Variants in PAX2 observed in about 807,000 individuals in gnomAD.
PAX2 encodes the protein paired box protein Pax-2.
In PAX2, 9 loss-of-function variants were observed where a neutral mutation model predicts 41.7. That is an observed-to-expected ratio of 0.22 (90% CI 0.13 to 0.38). The LOEUF (loss-of-function observed/expected upper bound fraction) is 0.38, where lower values mean the gene tolerates loss of function less well. Ranked by LOEUF, PAX2 falls within the 10% of genes least tolerant of loss-of-function variation. The pLI is 1.00. For synonymous variants in PAX2, 221 were observed against 212.7 expected, an observed-to-expected ratio of 1.04 and a Z score of -0.34; for missense variants, 418 against 531.6, an observed-to-expected ratio of 0.79 and a Z score of 2.10.
intron 3 of PAX2, among the ~76,000 whole-genome samples, chr10:100,770,326 C>G (rs1846167998): frequency 6.6e-6 from 1 of 152,154 alleles, no homozygotes. Context: ...CTGGAGCTTC[C>G]CAAACAGGAT....
At chr10:100,823,198 T>C (rs1231633267) in intron 7 of PAX2, among the ~76,000 whole-genome samples, 4 of 152,138 alleles carry the variant, frequency 2.6e-5, no homozygotes, top group Non-Finnish European at 5.9e-5. Flanking sequence ...AAGTTTTTGG[T>C]CTTATGATAT....
chr10:100,800,471 C>T (rs372536654), intron 5 of PAX2, among the ~76,000 whole-genome samples: 4 of 151,784 alleles, frequency 2.6e-5, no homozygotes, highest in Admixed American at 6.5e-5. Context: ...AGATGAGTCT[C>T]GCTATGTTGC....
chr10:100,803,844 G>C (rs1847656705), intron 5 of PAX2, among the ~76,000 whole-genome samples: 1 of 151,360 alleles, frequency 6.6e-6, no homozygotes, highest in South Asian at 2.1e-4. Context: ...CCCCTCCTTT[G>C]CTGCCTCTGT....
At chr10:100,744,253 G>A (rs1019793069), upstream of PAX2, among the ~76,000 whole-genome samples, 5 of 152,230 alleles carry the variant, frequency 3.3e-5, no homozygotes, top group Non-Finnish European at 7.3e-5. Flanking sequence ...TCTCGGATTC[G>A]GGCTGCAAGA....
At chr10:100,775,849 T>TTTCCA (rs1846368938) in intron 3 of PAX2, among the ~76,000 whole-genome samples, 1 of 152,200 alleles carries the variant, frequency 6.6e-6, no homozygotes, top group Non-Finnish European at 1.5e-5. Flanking sequence ...TATCCAATCT[T>TTTCCA]TTCCATTGTG....
At chr10:100,766,534 T>C (rs563389973) in intron 3 of PAX2, among the ~76,000 whole-genome samples, 6 of 152,334 alleles carry the variant, frequency 3.9e-5, no homozygotes, top group South Asian at 2.1e-4. Flanking sequence ...AGACTCTCAA[T>C]TGGCATAAGG....
chr10:100,764,248 A>T (rs959802764), intron 3 of PAX2, among the ~76,000 whole-genome samples: 1 of 142,002 alleles, frequency 7.0e-6, no homozygotes. Context: ...GGTTCATGCC[A>T]TTCTTCTGCC....
At chr10:100,780,971 C>T (rs923724659) in intron 4 of PAX2, among the ~76,000 whole-genome samples, 2 of 151,618 alleles carry the variant, frequency 1.3e-5, no homozygotes, top group African/African-American at 4.9e-5. Context: ...AGTTTGAGAA[C>T]CCCAGTGAAA....
intron 3 of PAX2, among the ~76,000 whole-genome samples, chr10:100,773,340 T>A (rs975789147): frequency 2.6e-5 from 4 of 152,170 alleles, no homozygotes; most frequent in African/African-American, 9.7e-5. Flanking sequence ...CTGCCCAGCC[T>A]AGTCCAGTAA....
chr10:100,748,767 C>G lies in PAX2; in HGVS notation c.44-979C>G, dbSNP rs1201463424. 5.6e-5 allele frequency: 55 copies of G among 985,324 alleles called. No homozygotes were observed. Among genetic ancestry groups the G allele is most frequent in the East Asian group, 1.1e-4 (1 of 8,826 alleles). The allele number at this position is 985,324 out of a possible 1,614,324, so 61.0% of individuals were successfully genotyped here. A position where few individuals can be genotyped will look rare whatever the true frequency, so the allele number is the denominator to read the frequency against. On this transcript the variant is annotated intron_variant, in intron 1 of 9. Transcript: ENST00000355243. This position sits in a 1 kb window ranked among gnomAD's most constrained non-coding sequence, Gnocchi z 5.0. The stretch of plus-strand genomic sequence containing the variant: ...TCTCTTGGCCGAAAGAGCAAAAGCC[C>G]GAGCCGCTCGGTTTCCTGGGGGGGC...
chr10:100,825,970 G>T (rs2133987029), intron 8 of PAX2, among the ~76,000 whole-genome samples: 1 of 151,866 alleles, frequency 6.6e-6, no homozygotes, highest in East Asian at 1.9e-4. Context: ...GGGAGGTGGG[G>T]GCAGGGAGTC....
chr10:100,753,217 C>T (rs1234375709), intron 3 of PAX2, among the ~76,000 whole-genome samples: 1 of 152,196 alleles, frequency 6.6e-6, no homozygotes, highest in Admixed American at 6.5e-5. Context: ...AGCAGGAAAA[C>T]TATTCCCAAT....
intron 5 of PAX2, among the ~76,000 whole-genome samples, chr10:100,798,735 A>AC (rs1326080331): frequency 5.4e-5 from 8 of 149,064 alleles, no homozygotes; most frequent in African/African-American, 7.4e-5. Context: ...CTCCCTTGTG[A>AC]CTCCCCCACC....
chr10:100,772,432 G>T (rs1846247436), intron 3 of PAX2, among the ~76,000 whole-genome samples: 3 of 152,226 alleles, frequency 2.0e-5, no homozygotes, highest in Admixed American at 2.0e-4. Flanking sequence ...GGGATTATAG[G>T]CATAAGCCAC....
At chr10:100,823,631 T>A (rs1207122181) in intron 7 of PAX2, among the ~76,000 whole-genome samples, 2 of 151,894 alleles carry the variant, frequency 1.3e-5, no homozygotes, top group Non-Finnish European at 2.9e-5. Flanking sequence ...GTGAGGAGAA[T>A]AAGGGGAATC....
chr10:100,769,052 C>A (rs3923992), intron 3 of PAX2, among the ~76,000 whole-genome samples: 1 of 152,198 alleles, frequency 6.6e-6, no homozygotes, highest in East Asian at 1.9e-4. Context: ...ATTCTACCAT[C>A]GGTTCTTGAT....
intron 5 of PAX2, among the ~76,000 whole-genome samples, chr10:100,805,335 G>C (rs886075420): frequency 6.6e-6 from 1 of 152,104 alleles, no homozygotes; most frequent in Admixed American, 6.5e-5. Flanking sequence ...AACACCCTGG[G>C]GCCTCCGGCA....
chr10:100,794,436 C>T (rs1847250430), intron 5 of PAX2, among the ~76,000 whole-genome samples: 1 of 152,148 alleles, frequency 6.6e-6, no homozygotes, highest in Non-Finnish European at 1.5e-5. Context: ...CTCCATTTGA[C>T]ACCCTCCCTT....
At chr10:100,766,785 A>G (rs1846045556) in intron 3 of PAX2, among the ~76,000 whole-genome samples, 1 of 152,170 alleles carries the variant, frequency 6.6e-6, no homozygotes, top group Admixed American at 6.5e-5. Flanking sequence ...CAACCACACC[A>G]AGAAGGCAAT....
Sources: gnomAD v4.1 joint callset for allele counts (sites outside exome capture counted in the v4.1 genomes callset) on GRCh38, gnomAD v4.1.1 for gene constraint, Gnocchi (gnomAD v3.1) non-coding constraint, MANE v1.5 for transcripts, NCBI Gene and HGNC (gene_info 2026-07-23, HGNC 2026-07-21) for gene names.